Variants in OPCML observed in about 807,000 individuals in gnomAD.
OPCML encodes opioid-binding protein/cell adhesion molecule.
OPCML carries 13 observed loss-of-function variants against 37.8 expected under a neutral mutation model. The observed-to-expected ratio is 0.34, with a 90% CI of 0.22 to 0.55. The LOEUF is 0.55. Among genes scored for constraint, OPCML ranks in the 20% least tolerant of loss-of-function variants. OPCML has a pLI of 0.91. For synonymous variants in OPCML, 176 were observed against 168.8 expected (o/e 1.04, Z -0.33); for missense variants, 341 against 435.6 (o/e 0.78, Z 1.93).
At chr11:133,464,802 G>C (rs923250888) in intron 1 of OPCML, among the ~76,000 whole-genome samples, 2 of 152,184 alleles carry the variant, frequency 1.3e-5, no homozygotes, top group African/African-American at 2.4e-5. Context: ...GGTTGTACAA[G>C]AGCGGAGGCT....
chr11:133,248,078 C>T (rs1335939845), intron 1 of OPCML, among the ~76,000 whole-genome samples: 2 of 151,972 alleles, frequency 1.3e-5, no homozygotes, highest in African/African-American at 2.4e-5. Flanking sequence ...TTGAAGGGTG[C>T]CAAGAAAATA....
At chr11:132,625,388 G>A (rs1939677908) in intron 3 of OPCML, among the ~76,000 whole-genome samples, 1 of 152,130 alleles carries the variant, frequency 6.6e-6, no homozygotes, top group African/African-American at 2.4e-5. Flanking sequence ...GTTGACTCCT[G>A]TCACCTCAGA....
At chr11:132,599,241 G>C (rs764404465) in intron 3 of OPCML, among the ~76,000 whole-genome samples, 11 of 152,030 alleles carry the variant, frequency 7.2e-5, no homozygotes, top group Non-Finnish European at 1.6e-4. Flanking sequence ...AGCCGAGATT[G>C]CACCACTGCA....
intron 1 of OPCML, among the ~76,000 whole-genome samples, chr11:133,359,563 T>C (rs546103897): frequency 6.6e-6 from 1 of 151,258 alleles, no homozygotes; most frequent in Non-Finnish European, 1.5e-5. Flanking sequence ...CACCCTTATT[T>C]GACCGATGAG....
chr11:133,197,281 C>T (rs1158638738), intron 1 of OPCML, among the ~76,000 whole-genome samples: 6 of 152,286 alleles, frequency 3.9e-5, no homozygotes, highest in South Asian at 2.1e-4. Context: ...CGAGGTGAAA[C>T]TATTAAATTG....
At position 132,602,817 on chromosome 11, in the gene OPCML, C is replaced by T. The variant is rs551087931; in HGVS notation, c.379+54270G>A. ...GGTCCAGCAATGCAGTAAAAGGAAT[C>T]GTGGGAACCACATGGGGCCCAAGTT... On this transcript the variant is annotated intron_variant, in intron 3 of 7. Coordinates refer to ENST00000524381, the MANE Select transcript of OPCML (RefSeq NM_001012393.5). Among the ~76,000 whole-genome samples, 316 of 152,300 alleles carry T rather than the reference C, an allele frequency of 2.1e-3. 7 individuals are homozygous for T. In the Middle Eastern group the frequency reaches 0.027, roughly 13 times the overall value.
At chr11:133,095,955 T>C (rs1948995670) in intron 1 of OPCML, among the ~76,000 whole-genome samples, 1 of 151,906 alleles carries the variant, frequency 6.6e-6, no homozygotes, top group Admixed American at 6.6e-5. Flanking sequence ...TTTCAAGAAA[T>C]ATTAAAGGAA....
At chr11:132,725,118 C>T (rs767956630) in intron 2 of OPCML, among the ~76,000 whole-genome samples, 3 of 152,194 alleles carry the variant, frequency 2.0e-5, no homozygotes, top group Non-Finnish European at 4.4e-5. Context: ...GTGTGGGCTC[C>T]AACTCCACAT....
At chr11:133,448,706 C>T (rs928875576) in intron 1 of OPCML, among the ~76,000 whole-genome samples, 4 of 152,222 alleles carry the variant, frequency 2.6e-5, no homozygotes, top group Non-Finnish European at 4.4e-5. Flanking sequence ...GATCGCCCGC[C>T]TCAGCGTCCC....
At chr11:133,419,167 A>G (rs1329168282) in intron 1 of OPCML, 1 of 803,754 alleles carries the variant, frequency 1.2e-6, no homozygotes, top group East Asian at 1.3e-4. Flanking sequence ...CTACTGCAAT[A>G]GCACAGTCTC....
intron 2 of OPCML, among the ~76,000 whole-genome samples, chr11:132,904,567 C>T (rs1014921115): frequency 2.0e-5 from 3 of 152,234 alleles, no homozygotes; most frequent in Non-Finnish European, 4.4e-5. Context: ...TGGGAACTGA[C>T]TATTGCTTCT....
At chr11:133,335,729 G>A (rs746109350) in intron 1 of OPCML, among the ~76,000 whole-genome samples, 10 of 152,054 alleles carry the variant, frequency 6.6e-5, no homozygotes, top group East Asian at 1.9e-4. Flanking sequence ...ACAATTAACC[G>A]GGCGAGGATG....
At chr11:133,198,642 C>G (rs371926005) in intron 1 of OPCML, among the ~76,000 whole-genome samples, 1 of 152,230 alleles carries the variant, frequency 6.6e-6, no homozygotes. Context: ...ATTCTGTTGT[C>G]TCCCAGGGCA....
At position 133,370,168 on chromosome 11, in the gene OPCML, A is replaced by C. The variant is rs138504776; in HGVS notation, c.61+162096T>G. On this transcript the variant is annotated intron_variant, in intron 1 of 7. Coordinates refer to ENST00000524381, the MANE Select transcript of OPCML (RefSeq NM_001012393.5). ...GGATTTTTGGATTAGGAATGCTCAG[A>C]CTATGTTAGGTAAGGAGCATTAAAG... Among the ~76,000 whole-genome samples the C allele has an allele frequency of 3.1e-3, 469 of 152,290 alleles. 2 individuals are homozygous for C. Among genetic ancestry groups the C allele is most frequent in the African/African-American group, 9.9e-3 (412 of 41,554 alleles).
chr11:133,184,337 CT>C (rs976176145), intron 1 of OPCML, among the ~76,000 whole-genome samples: 1 of 152,124 alleles, frequency 6.6e-6, no homozygotes, highest in African/African-American at 2.4e-5. Flanking sequence ...GAGGAGTTTA[CT>C]TTTTATGGAG....
At chr11:132,640,631 C>A (rs572317840) in intron 3 of OPCML, among the ~76,000 whole-genome samples, 1 of 152,240 alleles carries the variant, frequency 6.6e-6, no homozygotes, top group Non-Finnish European at 1.5e-5. Context: ...CATTTCTGTT[C>A]ATATAGAGGG....
chr11:132,469,576 T>C (rs2096129571), intron 4 of OPCML, among the ~76,000 whole-genome samples: 1 of 138,876 alleles, frequency 7.2e-6, no homozygotes, highest in South Asian at 2.4e-4. Flanking sequence ...TGTGTGTATA[T>C]GTGTATGGAT....
intron 4 of OPCML, among the ~76,000 whole-genome samples, chr11:132,472,078 G>A (rs2096139746): frequency 6.6e-6 from 1 of 152,120 alleles, no homozygotes; most frequent in Admixed American, 6.5e-5. Flanking sequence ...ACTCAGCTTG[G>A]GGGTGCTTCT....
At chr11:132,639,724 GAGA>G (rs1265536288) in intron 3 of OPCML, among the ~76,000 whole-genome samples, 3 of 152,218 alleles carry the variant, frequency 2.0e-5, no homozygotes, top group African/African-American at 4.8e-5. Context: ...TGCTTAGAGG[GAGA>G]AGGATTAAGG....
Sources: gnomAD v4.1 joint callset for allele counts (sites outside exome capture counted in the v4.1 genomes callset) on GRCh38, gnomAD v4.1.1 for gene constraint, MANE v1.5 for transcripts, NCBI Gene and HGNC (gene_info 2026-07-23, HGNC 2026-07-21) for gene names.